KDM6A: variants seen among roughly 807,000 people sequenced by gnomAD.
KDM6A encodes lysine-specific demethylase 6A.
Under a neutral mutation model 117.6 loss-of-function variants are expected in KDM6A, and 11 were observed. The ratio of observed to expected loss-of-function variants is 0.09; its 90% CI spans 0.06 to 0.15. The LOEUF (loss-of-function observed/expected upper bound fraction) is 0.15. Among genes scored for constraint, KDM6A ranks in the 10% least tolerant of loss-of-function variants. The pLI is 1.00. For synonymous variants in KDM6A, 384 were observed against 396.1 expected (o/e 0.97, Z 0.36); for missense variants, 799 against 1,077.3 (o/e 0.74, Z 3.62).
rs1207591261 is a variant in KDM6A at position 44,977,206 on chromosome X, T to C, written c.384+2491T>C. 1.1e-4 allele frequency among the ~76,000 whole-genome samples: 12 copies of C among 111,307 alleles called. No individual in the cohort carries two copies. The Admixed American group carries it at 1.2e-3, about 11-fold the overall frequency. On this transcript the variant is annotated intron_variant, in intron 4 of 29. Transcript: ENST00000611820. ...TTAATCAGGTGCTTCAGTGCTTTGC[T>C]TTTACAGAGTGCTGCAGTAAATAGT...
chrX:45,106,591 C>A (rs942910222), intron 27 of KDM6A: 2 of 341,326 alleles, frequency 5.9e-6, no homozygotes, highest in Non-Finnish European at 1.2e-5. Flanking sequence ...CCTTAGAGAT[C>A]ATCTAGTTCA....
At chrX:45,047,674 CTTTTTTTTTTTT>C (rs78749806) in intron 8 of KDM6A, among the ~76,000 whole-genome samples, 29 of 36,356 alleles carry the variant, frequency 8.0e-4, no homozygotes, top group South Asian at 2.0e-3. Context: ...CTTTTTTTTT[CTTTTTTTTTTTT>C]TTTTTTTTTT....
rs750822504 is a variant in KDM6A at position 45,006,165 on chromosome X, C to T, written c.385-4796C>T. ...TGGCCAGTCCCCCCCAGCCCTGCGC[C>T]CCCCCCCGCCGCCATGTTGCCAAGA... On this transcript the variant is annotated intron_variant, in intron 4 of 29. Coordinates refer to ENST00000611820, the MANE Select transcript of KDM6A (RefSeq NM_001291415.2). Among the ~76,000 whole-genome samples the T allele has an allele frequency of 2.3e-5, 2 of 85,175 alleles. 1 individual carries two copies. The highest frequency in any genetic ancestry group is 8.6e-5 in the African/African-American group (2 of 23,313). 74.0% of individuals were successfully genotyped at this position (85,175 alleles called of 115,157 possible). A position where few individuals can be genotyped will look rare whatever the true frequency, so the allele number is the denominator to read the frequency against.
chrX:45,072,253 G>A (rs2044883763), intron 18 of KDM6A, among the ~76,000 whole-genome samples: 1 of 110,447 alleles, frequency 9.1e-6, no homozygotes, highest in African/African-American at 3.3e-5. Flanking sequence ...TTTCCTTAGT[G>A]ACCTACAACA....
chrX:45,019,134 C>T (rs993416105), intron 5 of KDM6A, among the ~76,000 whole-genome samples: 15 of 111,150 alleles, frequency 1.3e-4, no homozygotes, highest in African/African-American at 4.6e-4. Context: ...TGACTTGCCC[C>T]AACCCCTAAG....
chrX:45,067,805 A>G (rs776044599), intron 17 of KDM6A, among the ~76,000 whole-genome samples: 9 of 109,362 alleles, frequency 8.2e-5, no homozygotes, highest in African/African-American at 3.0e-4. Context: ...GGTGCCCACC[A>G]CCATGCCCGG....
intron 2 of KDM6A, among the ~76,000 whole-genome samples, chrX:44,923,405 C>G (rs898429846): frequency 2.8e-5 from 3 of 107,937 alleles, no homozygotes; most frequent in African/African-American, 1.0e-4. Context: ...TGAAATTATT[C>G]TATCACTTAC....
chrX:44,995,719 C>T (rs908619105), intron 4 of KDM6A, among the ~76,000 whole-genome samples: 1 of 111,732 alleles, frequency 8.9e-6, no homozygotes, highest in African/African-American at 3.2e-5. Context: ...CCACCTGCCT[C>T]AGTCTCCCAA....
chrX:44,953,763 A>G (rs1029200551), intron 2 of KDM6A, among the ~76,000 whole-genome samples: 2 of 111,874 alleles, frequency 1.8e-5, no homozygotes, highest in Non-Finnish European at 3.8e-5. Context: ...AGTTTGATAT[A>G]TAAGTTCAGG....
intron 2 of KDM6A, among the ~76,000 whole-genome samples, chrX:44,895,269 C>G (rs1306837088): frequency 9.3e-6 from 1 of 107,410 alleles, no homozygotes; most frequent in African/African-American, 3.4e-5. Flanking sequence ...CCACGCCTGG[C>G]TAATTTTTTT....
chrX:44,913,081 A>G (rs2035310550), intron 2 of KDM6A, among the ~76,000 whole-genome samples: 1 of 111,613 alleles, frequency 9.0e-6, no homozygotes, highest in African/African-American at 3.3e-5. Flanking sequence ...TCTTCCACAC[A>G]TGCTACCCCT....
At position 45,069,845 on chromosome X, in the gene KDM6A, A is replaced by G. The variant is rs746903785; in HGVS notation, c.2346A>G (p.Thr782=). The part of the protein sequence containing the change: ...PSGNILTVPE[T]SRHTGETPNS... Reference sequence around the variant, plus strand: ...GAAACATATTGACGGTGCCTGAAACAAGCAGGCACACTGGAGAGACACCTA... The same window carrying G: ...GAAACATATTGACGGTGCCTGAAACGAGCAGGCACACTGGAGAGACACCTA... Residue 782 remains threonine (T), a synonymous_variant, in exon 18 of 30, where the codon ACA becomes ACG. Coordinates refer to ENST00000611820, the MANE Select transcript of KDM6A (RefSeq NM_001291415.2). 31 of 1,209,752 alleles carry G rather than the reference A, an allele frequency of 2.6e-5. No individual in the cohort carries two copies. The South Asian group carries it at 5.1e-4, about 20-fold the overall frequency.
chrX:45,042,290 AGG>A (rs2043298159), intron 8 of KDM6A, among the ~76,000 whole-genome samples: 1 of 36,202 alleles, frequency 2.8e-5, no homozygotes, highest in Non-Finnish European at 4.1e-5. Flanking sequence ...GAGAGGGGAG[AGG>A]GGAGAGGGGA....
At chrX:44,895,443 C>T (rs1037630253) in intron 2 of KDM6A, among the ~76,000 whole-genome samples, 1 of 92,909 alleles carries the variant, frequency 1.1e-5, no homozygotes, top group African/African-American at 4.5e-5. Context: ...TAAGAACCAA[C>T]TTTTTATTGA....
At chrX:44,932,698 CATGTCTTATCT>C (rs1176253205) in intron 2 of KDM6A, among the ~76,000 whole-genome samples, 1 of 110,779 alleles carries the variant, frequency 9.0e-6, no homozygotes, top group African/African-American at 3.3e-5. Flanking sequence ...CCCTTATTCA[CATGTCTTATCT>C]ATGTATTGTT....
chrX:44,942,364 A>G (rs745429087), intron 2 of KDM6A, among the ~76,000 whole-genome samples: 48 of 110,010 alleles, frequency 4.4e-4, no homozygotes, highest in African/African-American at 1.5e-3. Flanking sequence ...GTCTTTGCAC[A>G]TTGTCAAGAA....
chrX:44,877,603 TGTA>T (rs1224773449), intron 2 of KDM6A, among the ~76,000 whole-genome samples: 1 of 109,277 alleles, frequency 9.2e-6, no homozygotes, highest in Non-Finnish European at 1.9e-5. Context: ...ATACCATAAA[TGTA>T]GTAAGTTTAA....
chrX:44,975,929 G>A (rs1158048027), intron 4 of KDM6A, among the ~76,000 whole-genome samples: 2 of 112,280 alleles, frequency 1.8e-5, no homozygotes, highest in South Asian at 3.7e-4. Context: ...CCTTATACAG[G>A]GGAGGATCCT....
At chrX:45,022,108 A>AG (rs2042190838) in intron 6 of KDM6A, among the ~76,000 whole-genome samples, 2 of 112,253 alleles carry the variant, frequency 1.8e-5, no homozygotes, top group South Asian at 3.6e-4. Flanking sequence ...ATACATTTGA[A>AG]GGGAAAAGCA....
Sources: allele counts gnomAD v4.1 joint callset (sites outside exome capture counted in the v4.1 genomes callset), GRCh38; gene constraint gnomAD v4.1.1; transcripts MANE v1.5; gene names NCBI Gene and HGNC (gene_info 2026-07-23, HGNC 2026-07-21).